The following AGBL4 variants were observed in gnomAD, a reference collection of about 807,000 sequenced individuals.
The protein encoded by AGBL4 is AGBL carboxypeptidase 4.
A neutral mutation model predicts 66.4 loss-of-function variants in AGBL4; 58 were observed. The observed-to-expected ratio is 0.87, with a 90% CI of 0.71 to 1.09. AGBL4 has a LOEUF of 1.09. Among genes scored for constraint, AGBL4 ranks in the 50% least tolerant of loss-of-function variants. The pLI, the probability that AGBL4 is intolerant of heterozygous loss-of-function variation, is 0.00. For synonymous variants in AGBL4, 234 were observed against 222.9 expected (o/e 1.05, Z -0.44); for missense variants, 579 against 631.0 (o/e 0.92, Z 0.88).
intron 6 of AGBL4, among the ~76,000 whole-genome samples, chr1:48,837,711 C>CTATATATATA (rs58650623): frequency 0.03 from 2,478 of 82,052 alleles, 108 homozygotes; most frequent in East Asian, 0.069. Flanking sequence ...CACACACACA[C>CTATATATATA]TATATATATA....
rs566247004 is a variant in AGBL4 at position 50,016,056 on chromosome 1, C to T, written c.34+7707G>A. ...AAAACTTGGGAAATACCATTTTGCA[C>T]ATAGGCCCTGGCAAAGATTTGATGA... On this transcript the variant is annotated intron_variant, in intron 1 of 13. Coordinates refer to ENST00000371839, the MANE Select transcript of AGBL4 (RefSeq NM_032785.4). Among the ~76,000 whole-genome samples the T allele has an allele frequency of 4.6e-5, 7 of 152,298 alleles. No individual in the cohort carries two copies. In the South Asian group the frequency reaches 8.3e-4, roughly 18 times the overall value.
intron 2 of AGBL4, among the ~76,000 whole-genome samples, chr1:49,753,669 A>G (rs946553254): frequency 2.6e-5 from 4 of 152,102 alleles, no homozygotes; most frequent in African/African-American, 9.7e-5. Flanking sequence ...GTGTTTCCCA[A>G]CTTGGTTCCA....
chr1:49,572,437 T>C (rs1439242015), intron 3 of AGBL4, among the ~76,000 whole-genome samples: 1 of 152,224 alleles, frequency 6.6e-6, no homozygotes, highest in Non-Finnish European at 1.5e-5. Context: ...ATTTTATTTA[T>C]TTAGGTATTC....
chr1:49,382,656 A>C (rs1456238134), intron 3 of AGBL4, among the ~76,000 whole-genome samples: 1 of 152,212 alleles, frequency 6.6e-6, no homozygotes, highest in Non-Finnish European at 1.5e-5. Flanking sequence ...TGGAAGTCCT[A>C]GTCAGAGTAA....
At chr1:49,118,467 G>C (rs1406463030) in intron 4 of AGBL4, among the ~76,000 whole-genome samples, 6 of 151,430 alleles carry the variant, frequency 4.0e-5, no homozygotes, top group Non-Finnish European at 4.4e-5. Flanking sequence ...TGCGTTTATA[G>C]AGATAATCAT....
chr1:49,841,712 A>AG, intron 2 of AGBL4: 1 of 256,248 alleles, frequency 3.9e-6, no homozygotes, highest in Non-Finnish European at 7.6e-6. Context: ...AGCATACAAG[A>AG]GGTGACTTGG....
chr1:48,626,903 T>C (rs1469971723), intron 9 of AGBL4, among the ~76,000 whole-genome samples: 2 of 152,180 alleles, frequency 1.3e-5, no homozygotes, highest in Non-Finnish European at 2.9e-5. Context: ...GGGGTGGTTC[T>C]GTCTTTTCCT....
chr1:49,376,903 T>C (rs190526353), intron 3 of AGBL4, among the ~76,000 whole-genome samples: 1 of 152,232 alleles, frequency 6.6e-6, no homozygotes, highest in Admixed American at 6.6e-5. Context: ...TACCCAGCAA[T>C]TAGAATGGTG....
At chr1:48,963,160 T>C (rs574101189) in intron 5 of AGBL4, among the ~76,000 whole-genome samples, 2 of 150,064 alleles carry the variant, frequency 1.3e-5, no homozygotes, top group Non-Finnish European at 2.9e-5. Context: ...GGTAAACCCA[T>C]GGTAGAAGGC....
At position 50,023,848 on chromosome 1, in the gene AGBL4, G is replaced by A; in HGVS notation, c.-52C>T. 6.5e-7 allele frequency: 1 copy of A among 1,536,464 alleles called. No homozygotes were observed. Among genetic ancestry groups the A allele is most frequent in the Non-Finnish European group, 8.8e-7 (1 of 1,139,866 alleles). ...CACGCGAAGACCGCGGGGCAGTAGG[G>A]AGCGGGTGGTGGGATCAGTGGGCTG... is the stretch of plus-strand genomic sequence containing the variant. On this transcript the variant is annotated 5_prime_UTR_variant, in exon 1 of 14. Coordinates refer to ENST00000371839, the MANE Select transcript of AGBL4 (RefSeq NM_032785.4).
In AGBL4 at chr1:49,906,116, C is replaced by CTGTGTGTGTGTG. The variant is rs59711282; in HGVS notation, c.35-54610_35-54599dup. Among the ~76,000 whole-genome samples, 77 of 147,402 alleles carry CTGTGTGTGTGTG rather than the reference C, an allele frequency of 5.2e-4. 1 individual carries two copies. The highest frequency in any genetic ancestry group is 1.8e-3 in the African/African-American group (73 of 40,126). ...TTTTAAGATAAAGAGAAACAGGACT[C>CTGTGTGTGTGTG]TGTGTGTGTGTGTGTGTGTGTGTGT... is the stretch of plus-strand genomic sequence containing the variant. On this transcript the variant is annotated intron_variant, in intron 1 of 13. Transcript: ENST00000371839.
intron 2 of AGBL4, among the ~76,000 whole-genome samples, chr1:49,707,136 C>G (rs1647265607): frequency 6.6e-6 from 1 of 152,010 alleles, no homozygotes; most frequent in Non-Finnish European, 1.5e-5. Flanking sequence ...CTAATATTGA[C>G]AGTGGGGTGT....
intron 4 of AGBL4, among the ~76,000 whole-genome samples, chr1:49,211,101 T>C (rs1648633528): frequency 6.6e-6 from 1 of 152,112 alleles, no homozygotes; most frequent in Admixed American, 6.6e-5. Context: ...CTCTCAGGGA[T>C]AGAAAAACAA....
At chr1:48,696,008 T>G (rs1220322285) in intron 6 of AGBL4, among the ~76,000 whole-genome samples, 1 of 152,062 alleles carries the variant, frequency 6.6e-6, no homozygotes, top group Non-Finnish European at 1.5e-5. Flanking sequence ...GCCTTCTCAT[T>G]AGGAGCAGAA....
At chr1:49,182,556 T>C (rs559910690) in intron 4 of AGBL4, among the ~76,000 whole-genome samples, 1 of 152,360 alleles carries the variant, frequency 6.6e-6, no homozygotes, top group South Asian at 2.1e-4. Context: ...CTTCAATTGA[T>C]AGTAGAAGCT....
At chr1:49,011,566 A>C (rs558457200) in intron 5 of AGBL4, among the ~76,000 whole-genome samples, 40 of 152,286 alleles carry the variant, frequency 2.6e-4, no homozygotes, top group African/African-American at 5.3e-4. Context: ...ATGCTGCTAT[A>C]AAGACACATG....
chr1:49,521,992 G>A (rs892333571), intron 3 of AGBL4, among the ~76,000 whole-genome samples: 4 of 151,944 alleles, frequency 2.6e-5, no homozygotes, highest in African/African-American at 7.2e-5. Context: ...GGGATCATTC[G>A]TACCCCAAAC....
At chr1:49,536,540 A>G (rs993285912) in intron 3 of AGBL4, among the ~76,000 whole-genome samples, 15 of 152,224 alleles carry the variant, frequency 9.9e-5, no homozygotes, top group Non-Finnish European at 4.4e-5. Flanking sequence ...TCTTTCACAG[A>G]ATTAGAAAAA....
At chr1:49,506,430 C>A (rs1477431237) in intron 3 of AGBL4, among the ~76,000 whole-genome samples, 1 of 151,938 alleles carries the variant, frequency 6.6e-6, no homozygotes, top group Non-Finnish European at 1.5e-5. Flanking sequence ...TGGGAGGGAC[C>A]CAGTGGGCGG....
Sources: allele counts gnomAD v4.1 joint callset (sites outside exome capture counted in the v4.1 genomes callset), GRCh38; gene constraint gnomAD v4.1.1; transcripts MANE v1.5; gene names NCBI Gene and HGNC (gene_info 2026-07-23, HGNC 2026-07-21).